The following AGBL4 variants were observed in gnomAD, a reference collection of about 807,000 sequenced individuals.
The protein encoded by AGBL4 is cytosolic carboxypeptidase 6.
AGBL4 carries 58 observed loss-of-function variants against 66.4 expected under a neutral mutation model. The observed-to-expected ratio is 0.87, with a 90% CI of 0.71 to 1.09. The LOEUF is 1.09. Ranked by LOEUF, AGBL4 falls within the 50% of genes least tolerant of loss-of-function variation. The pLI is 0.00. For missense variants in AGBL4, 579 were observed against 631.0 expected (o/e 0.92, Z 0.88); for synonymous variants, 234 against 222.9 (o/e 1.05, Z -0.44).
At chr1:49,525,451 A>T (rs1160079208) in intron 3 of AGBL4, among the ~76,000 whole-genome samples, 1 of 152,006 alleles carries the variant, frequency 6.6e-6, no homozygotes, top group Non-Finnish European at 1.5e-5. Flanking sequence ...TAAAATCCTT[A>T]AAGGCAGTAA....
At chr1:49,918,127 A>G (rs1238987884) in intron 1 of AGBL4, among the ~76,000 whole-genome samples, 1 of 152,228 alleles carries the variant, frequency 6.6e-6, no homozygotes, top group Admixed American at 6.5e-5. Flanking sequence ...CAACAAGAGA[A>G]AGCAAGAAAG....
chr1:49,318,887 G>A (rs1344856603), intron 3 of AGBL4, among the ~76,000 whole-genome samples: 1 of 152,072 alleles, frequency 6.6e-6, no homozygotes, highest in Non-Finnish European at 1.5e-5. Context: ...CTTGTGATAT[G>A]TGAGTCTACC....
At chr1:49,303,578 G>A (rs752777487) in intron 3 of AGBL4, among the ~76,000 whole-genome samples, 1 of 151,612 alleles carries the variant, frequency 6.6e-6, no homozygotes, top group African/African-American at 2.4e-5. Context: ...TCAGCCTCCC[G>A]AGTAGCTGGG....
intron 5 of AGBL4, among the ~76,000 whole-genome samples, chr1:48,878,491 T>C (rs1315753081): frequency 6.6e-6 from 1 of 152,188 alleles, no homozygotes; most frequent in African/African-American, 2.4e-5. Context: ...GTAGAGCAGT[T>C]AGCTAAGTGC....
chr1:49,285,686 GA>G (rs1644388304), intron 3 of AGBL4, among the ~76,000 whole-genome samples: 1 of 152,006 alleles, frequency 6.6e-6, no homozygotes, highest in African/African-American at 2.4e-5. Flanking sequence ...TGATAAAGGG[GA>G]TATCACCACC....
At chr1:48,686,953 A>G (rs2148486974) in intron 6 of AGBL4, among the ~76,000 whole-genome samples, 1 of 150,678 alleles carries the variant, frequency 6.6e-6, no homozygotes, top group South Asian at 2.1e-4. Flanking sequence ...GGGTGTGTGT[A>G]TATGTGTTAG....
At chr1:49,219,082 A>C (rs1299337637) in intron 4 of AGBL4, among the ~76,000 whole-genome samples, 2 of 152,122 alleles carry the variant, frequency 1.3e-5, no homozygotes, top group Non-Finnish European at 2.9e-5. Flanking sequence ...CATGGCTCCC[A>C]TGGCTGGCTC....
chr1:49,693,026 C>T (rs1646919437), intron 3 of AGBL4, among the ~76,000 whole-genome samples: 1 of 152,056 alleles, frequency 6.6e-6, no homozygotes, highest in Admixed American at 6.6e-5. Context: ...TGACTAGAGG[C>T]CTGAGACATT....
At chr1:49,914,202 G>A (rs923370727) in intron 1 of AGBL4, among the ~76,000 whole-genome samples, 2 of 152,070 alleles carry the variant, frequency 1.3e-5, no homozygotes, top group Non-Finnish European at 2.9e-5. Context: ...TTGTGTCTTT[G>A]TCTCATTTAT....
intron 5 of AGBL4, among the ~76,000 whole-genome samples, chr1:48,927,633 G>C (rs187545269): frequency 6.6e-6 from 1 of 152,308 alleles, no homozygotes; most frequent in Admixed American, 6.5e-5. Flanking sequence ...GTGTCAGTGG[G>C]CAAGATGGAT....
At chr1:48,904,348 C>A (rs1389258862) in intron 5 of AGBL4, among the ~76,000 whole-genome samples, 2 of 152,166 alleles carry the variant, frequency 1.3e-5, no homozygotes, top group African/African-American at 4.8e-5. Context: ...ATGAAAGAAA[C>A]AACTATGGTT....
intron 1 of AGBL4, among the ~76,000 whole-genome samples, chr1:49,900,994 T>A (rs941328180): frequency 6.6e-6 from 1 of 152,222 alleles, no homozygotes; most frequent in African/African-American, 2.4e-5. Context: ...AAATGACTTA[T>A]AGTGATGTAG....
chr1:49,528,016 A>C (rs1369138372), intron 3 of AGBL4, among the ~76,000 whole-genome samples: 16 of 152,200 alleles, frequency 1.1e-4, no homozygotes, highest in Admixed American at 2.6e-4. Flanking sequence ...TCAACAGGAC[A>C]TCAAAATTAG....
In AGBL4 at chr1:49,992,811, C is replaced by T. The variant is rs533413987; in HGVS notation, c.34+30952G>A. On this transcript the variant is annotated intron_variant, in intron 1 of 13. Transcript: ENST00000371839. Reference sequence around the variant, plus strand: ...TAGAACTAATGTGATCTTGAGGACTCTCACTCCTATAAACTCTCCCCAATG... The same window carrying T: ...TAGAACTAATGTGATCTTGAGGACTTTCACTCCTATAAACTCTCCCCAATG... Among the ~76,000 whole-genome samples, 8 of 152,270 alleles carry T rather than the reference C, an allele frequency of 5.3e-5. No homozygotes were observed. In the South Asian group the frequency reaches 1.7e-3, roughly 31 times the overall value.
At chr1:49,857,197 T>C (rs1345551573) in intron 1 of AGBL4, among the ~76,000 whole-genome samples, 2 of 151,956 alleles carry the variant, frequency 1.3e-5, no homozygotes, top group African/African-American at 4.8e-5. Flanking sequence ...CAATGAAAAT[T>C]CCAAAACACT....
At chr1:48,890,345 C>T (rs1481048052) in intron 5 of AGBL4, among the ~76,000 whole-genome samples, 1 of 152,174 alleles carries the variant, frequency 6.6e-6, no homozygotes, top group Non-Finnish European at 1.5e-5. Context: ...TCTTAGCTTT[C>T]ACATGTGTAA....
At chr1:48,600,208 GCCA>G (rs1414303180) in intron 9 of AGBL4, among the ~76,000 whole-genome samples, 1 of 152,122 alleles carries the variant, frequency 6.6e-6, no homozygotes, top group Non-Finnish European at 1.5e-5. Flanking sequence ...GGCAACAATT[GCCA>G]AGTGACTAAA....
At chr1:49,120,729 T>C (rs1412589837) in intron 4 of AGBL4, among the ~76,000 whole-genome samples, 1 of 152,172 alleles carries the variant, frequency 6.6e-6, no homozygotes, top group Non-Finnish European at 1.5e-5. Flanking sequence ...TTCTCTATAT[T>C]TCCTGAATTT....
intron 3 of AGBL4, among the ~76,000 whole-genome samples, chr1:49,595,647 T>C (rs1571134058): frequency 6.6e-6 from 1 of 152,008 alleles, no homozygotes; most frequent in African/African-American, 2.4e-5. Context: ...TTGGATGTGA[T>C]TGATGACATT....
Sources: allele counts gnomAD v4.1 joint callset (sites outside exome capture counted in the v4.1 genomes callset), GRCh38; gene constraint gnomAD v4.1.1; transcripts MANE v1.5; gene names NCBI Gene and HGNC (gene_info 2026-07-23, HGNC 2026-07-21).